Variants in FHAD1 observed in about 807,000 individuals in gnomAD.
The protein encoded by FHAD1 is forkhead associated phosphopeptide binding domain 1.
FHAD1 carries 146 observed loss-of-function variants against 191.3 expected under a neutral mutation model. That is an observed-to-expected ratio of 0.76 (90% CI 0.67 to 0.88). The LOEUF (loss-of-function observed/expected upper bound fraction) is 0.88. Ranked by LOEUF, FHAD1 falls within the 40% of genes least tolerant of loss-of-function variation. The probability of loss-of-function intolerance (pLI) is 0.00; values close to 1 mark genes in which losing one functional copy is unlikely to be tolerated. For missense variants in FHAD1, 1,635 were observed against 1,785.8 expected (o/e 0.92, Z 1.52); for synonymous variants, 616 against 672.3 (o/e 0.92, Z 1.29).
chr1:15,328,521 T>G, intron 13 of FHAD1, 92 bp downstream of exon 13: 1 of 1,087,294 alleles, frequency 9.2e-7, no homozygotes, highest in Non-Finnish European at 1.2e-6. Context: ...TGGAGCAAGT[T>G]GGGCAGAAAT....
intron 33 of FHAD1, among the ~76,000 whole-genome samples, chr1:15,393,380 A>G (rs1446048940): frequency 1.3e-5 from 2 of 150,248 alleles, no homozygotes; most frequent in South Asian, 2.1e-4. Context: ...CATTCTTTCT[A>G]TGTATAAAGC....
intron 14 of FHAD1, chr1:15,335,558 C>T (rs755139871): frequency 3.2e-4 from 49 of 151,948 alleles, no homozygotes; most frequent in Non-Finnish European, 5.9e-4. Flanking sequence ...GAGTATTATC[C>T]CAGCAGGGTG....
At chr1:15,242,182 G>A (rs1337150728) in intron 1 of FHAD1, among the ~76,000 whole-genome samples, 4 of 147,876 alleles carry the variant, frequency 2.7e-5, no homozygotes, top group Admixed American at 1.4e-4. Flanking sequence ...GCAGTGAGCC[G>A]AGATCGCACC....
rs1324727285 is a variant in FHAD1, at chr1:15,369,376, C to T, written c.3321C>T (p.Ser1107=). ...LKALEEALRA[S]QEKHRLQLNT... ...CTCCTCTTCTCTACCCTAGGGCTTC[C>T]CAAGAGAAACACAGACTCCAGCTGA... Residue 1107 remains serine (S), a synonymous_variant, in exon 26 of 34, where the codon TCC becomes TCT. Transcript: ENST00000688493. 6.4e-7 allele frequency: 1 copy of T among 1,552,050 alleles called. No individual in the cohort carries two copies. The highest frequency in any genetic ancestry group is 1.2e-5 in the South Asian group (1 of 84,060).
At chr1:15,250,351 G>A (rs1172475767) in intron 1 of FHAD1, among the ~76,000 whole-genome samples, 4 of 152,154 alleles carry the variant, frequency 2.6e-5, no homozygotes, top group East Asian at 1.9e-4. Flanking sequence ...AACTTATTTC[G>A]AAATGCACCA....
chr1:15,352,734 T>C (rs1691316191), intron 19 of FHAD1, 143 bp from the exon 20 acceptor site: 1 of 638,804 alleles, frequency 1.6e-6, no homozygotes, highest in South Asian at 1.9e-5. Context: ...CTCACCTCTG[T>C]CCCCAGTGGG....
chr1:15,260,781 T>C (rs1353161273), intron 2 of FHAD1, among the ~76,000 whole-genome samples: 1 of 152,270 alleles, frequency 6.6e-6, no homozygotes, highest in East Asian at 1.9e-4. Context: ...GAAAGTTCTT[T>C]GTTTTTAAGG....
chr1:15,386,315 G>A (rs890132423), intron 31 of FHAD1, among the ~76,000 whole-genome samples: 2 of 152,236 alleles, frequency 1.3e-5, no homozygotes, highest in African/African-American at 2.4e-5. Context: ...GCCCGCTGGC[G>A]AGTCCTGCAG....
chr1:15,298,077 A>G (rs1667512093), intron 5 of FHAD1, among the ~76,000 whole-genome samples: 1 of 152,202 alleles, frequency 6.6e-6, no homozygotes, highest in Non-Finnish European at 1.5e-5. Flanking sequence ...ATACTTGCAC[A>G]TGCCTGTTAA....
intron 2 of FHAD1, among the ~76,000 whole-genome samples, chr1:15,252,846 T>C (rs1174159949): frequency 6.6e-6 from 1 of 152,182 alleles, no homozygotes; most frequent in African/African-American, 2.4e-5. Flanking sequence ...CCAAAGAAGT[T>C]GAAAGAAGGA....
chr1:15,392,939 G>C (rs1011296344), intron 33 of FHAD1, among the ~76,000 whole-genome samples: 4 of 152,184 alleles, frequency 2.6e-5, no homozygotes, highest in Non-Finnish European at 5.9e-5. Flanking sequence ...AACAAAAAGA[G>C]AGACTGCCCT....
exon 1 of FHAD1, among the ~76,000 whole-genome samples, chr1:15,236,522 A>G (rs1644810251): frequency 6.6e-6 from 1 of 152,220 alleles, no homozygotes; most frequent in Non-Finnish European, 1.5e-5. Context: ...CTGTGAGTCA[A>G]TCAGAGAAAA....
intron 2 of FHAD1, among the ~76,000 whole-genome samples, chr1:15,256,669 A>G (rs998458024): frequency 6.8e-6 from 1 of 147,364 alleles, no homozygotes; most frequent in East Asian, 2.0e-4. Context: ...AAAAAAAAAA[A>G]AAAGAGTGGA....
intron 4 of FHAD1, among the ~76,000 whole-genome samples, chr1:15,293,861 T>C (rs368942232): frequency 1.3e-5 from 2 of 152,234 alleles, no homozygotes; most frequent in South Asian, 2.1e-4. Flanking sequence ...ACTCAGTCTT[T>C]GATGAGTAGA....
chr1:15,259,404 C>A (rs1209579853), intron 2 of FHAD1, among the ~76,000 whole-genome samples: 1 of 152,194 alleles, frequency 6.6e-6, no homozygotes, highest in African/African-American at 2.4e-5. Context: ...TGCCCCAAAT[C>A]ACACATCTAG....
chr1:15,392,864 A>G (rs1320942550), intron 33 of FHAD1, among the ~76,000 whole-genome samples: 1 of 152,130 alleles, frequency 6.6e-6, no homozygotes, highest in Non-Finnish European at 1.5e-5. Context: ...CTTCCAGTTA[A>G]CAAGTACTTA....
chr1:15,297,520 A>G (rs1465486728), intron 5 of FHAD1, among the ~76,000 whole-genome samples: 1 of 152,226 alleles, frequency 6.6e-6, no homozygotes, highest in Non-Finnish European at 1.5e-5. Context: ...CGGGAGTGAC[A>G]TGTCCAGGAA....
At chr1:15,368,677 C>T (rs979604082) in intron 25 of FHAD1, among the ~76,000 whole-genome samples, 5 of 152,182 alleles carry the variant, frequency 3.3e-5, no homozygotes, top group Non-Finnish European at 7.3e-5. Context: ...CAGTGGCTCA[C>T]GCCTGTAATC....
chr1:15,250,957 C>G (rs1573629649), intron 1 of FHAD1, among the ~76,000 whole-genome samples: 1 of 152,096 alleles, frequency 6.6e-6, no homozygotes, highest in African/African-American at 2.4e-5. Context: ...TCAGTGTGTG[C>G]CAGGCACCAT....
Sources: allele counts gnomAD v4.1 joint callset (sites outside exome capture counted in the v4.1 genomes callset), GRCh38; gene constraint gnomAD v4.1.1; transcripts MANE v1.5; gene names NCBI Gene and HGNC (gene_info 2026-07-23, HGNC 2026-07-21).